KATNAL1: variants seen among roughly 807,000 people sequenced by gnomAD.
KATNAL1 encodes the protein katanin catalytic subunit A1 like 1.
KATNAL1 carries 32 observed loss-of-function variants against 55.2 expected under a neutral mutation model. The ratio of observed to expected loss-of-function variants is 0.58; its 90% CI spans 0.44 to 0.78. The LOEUF (loss-of-function observed/expected upper bound fraction) is 0.78. Ranked by LOEUF, KATNAL1 falls within the 30% of genes least tolerant of loss-of-function variation. The probability of loss-of-function intolerance (pLI) is 0.00; values close to 1 mark genes in which losing one functional copy is unlikely to be tolerated. For synonymous variants in KATNAL1, 193 were observed against 193.6 expected, an observed-to-expected ratio of 1.00 and a Z score of 0.02; for missense variants, 466 against 600.9, an observed-to-expected ratio of 0.78 and a Z score of 2.35.
chr13:30,268,068 A>T (rs1401973589), intron 3 of KATNAL1, among the ~76,000 whole-genome samples: 3 of 152,192 alleles, frequency 2.0e-5, no homozygotes, highest in African/African-American at 7.2e-5. Flanking sequence ...AGTGCCCCCT[A>T]GATATAGTAG....
chr13:30,283,420 AAT>A lies in KATNAL1; in HGVS notation c.162+194_162+195del, dbSNP rs564493998. Among the ~76,000 whole-genome samples the A allele has an allele frequency of 5.3e-5, 8 of 152,266 alleles. No individual in the cohort carries two copies. The South Asian group carries it at 1.7e-3, about 32-fold the overall frequency. ...AATATTTTCAAAACATCCCTCACGA[AAT>A]ATATGATCAAAAAACATTAACCAGG... On this transcript the variant is annotated intron_variant, in intron 2 of 10. Coordinates refer to ENST00000380615, the MANE Select transcript of KATNAL1 (RefSeq NM_032116.5).
At chr13:30,227,673 G>T in intron 8 of KATNAL1, 127 bp from the exon 9 acceptor site, 1 of 830,984 alleles carries the variant, frequency 1.2e-6, no homozygotes, top group Non-Finnish European at 1.8e-6. Flanking sequence ...TGACCTCTGT[G>T]TGGTGGCAAA....
chr13:30,212,627 C>T (rs780432602), intron 9 of KATNAL1, among the ~76,000 whole-genome samples: 10 of 152,178 alleles, frequency 6.6e-5, no homozygotes, highest in South Asian at 2.1e-4. Flanking sequence ...TGCAGCTGTG[C>T]GGCACTACCT....
intron 3 of KATNAL1, among the ~76,000 whole-genome samples, chr13:30,269,450 GCCAC>G (rs1880066417): frequency 6.6e-6 from 1 of 152,228 alleles, no homozygotes; most frequent in African/African-American, 2.4e-5. Flanking sequence ...GCCTGCCTTG[GCCAC>G]CCAAAGTGCC....
chr13:30,282,225 T>C lies in KATNAL1; in HGVS notation c.162+1391A>G, dbSNP rs954750708. On this transcript the variant is annotated intron_variant, in intron 2 of 10. Transcript: ENST00000380615. ...TTATATAGTCAAAAGACAGCAAATA[T>C]AGTAATGTTTTTTATTAGATTACTG... Among the ~76,000 whole-genome samples, 10 of 152,216 alleles carry C rather than the reference T, an allele frequency of 6.6e-5. No homozygotes were observed. The East Asian group carries it at 9.6e-4, about 15-fold the overall frequency.
chr13:30,303,932 A>G (rs1437395760), intron 1 of KATNAL1, among the ~76,000 whole-genome samples: 1 of 152,240 alleles, frequency 6.6e-6, no homozygotes, highest in Non-Finnish European at 1.5e-5. Flanking sequence ...GGGCCTTTCT[A>G]TCAGACAGAA....
chr13:30,289,951 G>A (rs9508696), intron 1 of KATNAL1, among the ~76,000 whole-genome samples: 47,297 of 152,008 alleles, frequency 0.31, 7,994 homozygotes, highest in South Asian at 0.43. Flanking sequence ...CCTTATATGT[G>A]GACAATGAAA....
At chr13:30,279,512 C>CA (rs1270652817) in intron 3 of KATNAL1, among the ~76,000 whole-genome samples, 33 of 151,436 alleles carry the variant, frequency 2.2e-4, no homozygotes, top group Admixed American at 2.6e-4. Flanking sequence ...ACAAGATGAC[C>CA]AAAAAAAGGC....
At chr13:30,274,907 G>GCGCGCACACA (rs869107567) in intron 3 of KATNAL1, among the ~76,000 whole-genome samples, 147 of 105,416 alleles carry the variant, frequency 1.4e-3, no homozygotes, top group African/African-American at 3.6e-3. Flanking sequence ...GCGCGCGCGC[G>GCGCGCACACA]CACACACACA....
At chr13:30,274,719 GAGCATACAGCCAAAGAAAA>G (rs1394446927) in intron 3 of KATNAL1, among the ~76,000 whole-genome samples, 5 of 152,126 alleles carry the variant, frequency 3.3e-5, no homozygotes, top group Non-Finnish European at 7.3e-5. Context: ...TCCCACTTCT[GAGCATACAGCCAAAGAAAA>G]TGAAATCAGT....
At chr13:30,223,094 T>C (rs1431840783) in intron 9 of KATNAL1, among the ~76,000 whole-genome samples, 1 of 138,100 alleles carries the variant, frequency 7.2e-6, no homozygotes, top group Admixed American at 7.3e-5. Context: ...GGCTCCGACT[T>C]AAACAAACAA....
chr13:30,218,116 A>G (rs554118809), intron 9 of KATNAL1, among the ~76,000 whole-genome samples: 156 of 152,016 alleles, frequency 1.0e-3, no homozygotes, highest in African/African-American at 3.1e-3. Flanking sequence ...AGAATGGGGG[A>G]AAAAGGTAAG....
chr13:30,281,718 GTACT>G (rs564224698), intron 2 of KATNAL1: 1 of 152,172 alleles, frequency 6.6e-6, no homozygotes, highest in Non-Finnish European at 1.5e-5. Flanking sequence ...ACTTGACTTT[GTACT>G]TTTAATTTTT....
At chr13:30,271,558 C>A (rs1055386909) in intron 3 of KATNAL1, among the ~76,000 whole-genome samples, 1 of 152,088 alleles carries the variant, frequency 6.6e-6, no homozygotes, top group Admixed American at 6.5e-5. Context: ...ACAACCAGAT[C>A]TCTTGAGAAC....
intron 2 of KATNAL1, among the ~76,000 whole-genome samples, chr13:30,283,236 C>T (rs545492168): frequency 1.1e-3 from 131 of 116,862 alleles, no homozygotes; most frequent in Non-Finnish European, 1.7e-3. Context: ...CACTGCACTC[C>T]GGCCTGGGCG....
intron 6 of KATNAL1, among the ~76,000 whole-genome samples, chr13:30,234,042 T>C (rs1014200744): frequency 4.6e-5 from 7 of 152,142 alleles, no homozygotes; most frequent in African/African-American, 1.7e-4. Flanking sequence ...TATTTCAAAA[T>C]AACTAGAAGA....
intron 1 of KATNAL1, among the ~76,000 whole-genome samples, chr13:30,288,545 T>C (rs1043087565): frequency 5.3e-5 from 8 of 152,226 alleles, no homozygotes; most frequent in Admixed American, 1.3e-4. Flanking sequence ...AGAATAGTGG[T>C]TGCCATTGAA....
chr13:30,270,396 C>T (rs865946150), intron 3 of KATNAL1, among the ~76,000 whole-genome samples: 3,419 of 151,710 alleles, frequency 0.023, 58 homozygotes, highest in Non-Finnish European at 0.034. Flanking sequence ...CCCCTCTGCC[C>T]GGCCACCACC....
chr13:30,296,808 A>C (rs1309642182), intron 1 of KATNAL1: 1 of 410,012 alleles, frequency 2.4e-6, no homozygotes, highest in Admixed American at 3.1e-5. Flanking sequence ...GCCCCTACCT[A>C]GGTGCCCTGT....
Sources: gnomAD v4.1 joint callset for allele counts (sites outside exome capture counted in the v4.1 genomes callset) on GRCh38, gnomAD v4.1.1 for gene constraint, MANE v1.5 for transcripts, NCBI Gene and HGNC (gene_info 2026-07-23, HGNC 2026-07-21) for gene names.